The following UGT2A1 variants were observed in gnomAD, a reference collection of about 807,000 sequenced individuals.
UGT2A1 encodes the protein UDP-glucuronosyltransferase 2A1.
In UGT2A1, 61 loss-of-function variants were observed where a neutral mutation model predicts 45.4. The observed-to-expected ratio is 1.34, with a 90% CI of 1.09 to 1.66. The LOEUF is 1.66. Ranked by LOEUF, UGT2A1 falls within the 40% of genes most tolerant of loss-of-function variation. The probability of loss-of-function intolerance (pLI) is 0.00; values close to 1 mark genes in which losing one functional copy is unlikely to be tolerated. For synonymous variants in UGT2A1, 229 were observed against 196.2 expected (o/e 1.17, Z -1.40); for missense variants, 649 against 574.3 (o/e 1.13, Z -1.33).
rs1026709013 is a variant in UGT2A1, at chr4:69,589,608, G to A, written c.1348C>T (p.Gln450Ter). 1 of 1,613,898 alleles carries A rather than the reference G, an allele frequency of 6.2e-7. No homozygotes were observed. The highest frequency in any genetic ancestry group is 8.5e-7 in the Non-Finnish European group (1 of 1,179,840). Reference sequence around the variant, plus strand: ...GCTCGATCCAGGGGCTTTACAGGTTGATCATGGTGAATTCTTGATAACCTC... The same window carrying A: ...GCTCGATCCAGGGGCTTTACAGGTTAATCATGGTGAATTCTTGATAACCTC... ...AMRLSRIHHDQPVKPLDRAVF... is the reference protein window; with the variant it reads ...AMRLSRIHHD The change falls in exon 7 of 7, where the codon CAA becomes TAA. Residue 450 changes from glutamine (Q) to a stop codon, truncating the protein, a stop_gained. Transcript: ENST00000286604. LOFTEE classifies it high-confidence loss of function.
At position 69,595,225 on chromosome 4, in the gene UGT2A1, T is replaced by A; in HGVS notation, c.1021A>T (p.Lys341Ter). The A allele has an allele frequency of 6.2e-7, 1 of 1,613,844 alleles. No homozygotes were observed. The highest frequency in any genetic ancestry group is 1.3e-5 in the African/African-American group (1 of 75,030). ...GTATTGTTTCCTAATGTGGCTGGTT[T>A]CTTTCCTTTGTATCTCCATAAAACC... is the stretch of plus-strand genomic sequence containing the variant. ...PKVLWRYKGK[K>*]PATLGNNTQL... The change falls in exon 5 of 7, where the codon AAA becomes TAA. Residue 341 changes from lysine (K) to a stop codon, truncating the protein, a stop_gained. Transcript: ENST00000286604. LOFTEE classifies it high-confidence loss of function.
chr4:69,600,779 G>A (rs566344454), intron 3 of UGT2A1, among the ~76,000 whole-genome samples: 18 of 150,918 alleles, frequency 1.2e-4, no homozygotes, highest in Admixed American at 4.0e-4. Context: ...AGGAGCAAGA[G>A]AGAGAGTGAG....
intron 3 of UGT2A1, among the ~76,000 whole-genome samples, chr4:69,624,714 C>T (rs1720938290): frequency 1.3e-5 from 2 of 151,228 alleles, no homozygotes; most frequent in African/African-American, 4.8e-5. Flanking sequence ...TCCTGTATCT[C>T]TTCCCAGATT....
chr4:69,646,888 T>C (rs1722283861), intron 2 of UGT2A1, 42 bp downstream of exon 2: 1 of 1,406,756 alleles, frequency 7.1e-7, no homozygotes, highest in South Asian at 1.4e-5. Context: ...CAAAGGTCTG[T>C]TTGTTCAAAT....
At chr4:69,631,214 A>C (rs1177645925) in intron 3 of UGT2A1, among the ~76,000 whole-genome samples, 1 of 152,134 alleles carries the variant, frequency 6.6e-6, no homozygotes, top group African/African-American at 2.4e-5. Context: ...AGATACCTAT[A>C]CTGTTTTAGT....
intron 3 of UGT2A1, among the ~76,000 whole-genome samples, chr4:69,620,474 C>G (rs920341932): frequency 2.7e-5 from 4 of 150,120 alleles, no homozygotes; most frequent in African/African-American, 9.8e-5. Context: ...TCAAAGAAAT[C>G]AGAGATGACA....
Position 69,594,597 on chromosome 4 carries a change from G to A in UGT2A1, c.1184C>T (p.Ala395Val). The A allele has an allele frequency of 1.2e-6, 2 of 1,614,144 alleles. No individual in the cohort carries two copies. Among genetic ancestry groups the A allele is most frequent in the Non-Finnish European group, 1.7e-6 (2 of 1,180,038 alleles). Reference protein sequence around the residue: ...GVPMVGVPMFADQPDNIAHMK... With the variant: ...GVPMVGVPMFVDQPDNIAHMK... ...GTGAGCAATGTTATCAGGCTGATCA[G>A]CAAACATGGGAACTCCCACCATAGG... Residue 395 changes from alanine (A) to valine (V), a missense_variant, in exon 6 of 7, where the codon GCT (alanine) becomes GTT (valine). Ala to Val is a moderately conservative substitution (Grantham distance 64, BLOSUM62 0). Transcript: ENST00000286604.
At chr4:69,607,200 G>GGTACTGGTACCAAAACAGCATT (rs1719683017) in intron 3 of UGT2A1, among the ~76,000 whole-genome samples, 1 of 150,200 alleles carries the variant, frequency 6.7e-6, no homozygotes, top group Non-Finnish European at 1.5e-5. Flanking sequence ...AAAACAGCAT[G>GGTACTGGTACCAAAACAGCATT]GTACTGGTAC....
chr4:69,615,156 C>T (rs1720300210), intron 3 of UGT2A1, among the ~76,000 whole-genome samples: 2 of 151,936 alleles, frequency 1.3e-5, no homozygotes, highest in South Asian at 4.2e-4. Context: ...AGGAGACAAA[C>T]CATATCAATC....
chr4:69,627,456 A>ACAGGCAAGCAGGCAGG (rs1213692869), intron 3 of UGT2A1, among the ~76,000 whole-genome samples: 1 of 150,008 alleles, frequency 6.7e-6, no homozygotes, highest in Non-Finnish European at 1.5e-5. Flanking sequence ...CCATAGGCAG[A>ACAGGCAAGCAGGCAGG]CAGGCAAGCA....
intron 4 of UGT2A1, among the ~76,000 whole-genome samples, chr4:69,598,996 T>C (rs1462971965): frequency 6.6e-6 from 1 of 152,162 alleles, no homozygotes; most frequent in African/African-American, 2.4e-5. Context: ...AAGTCCAGTA[T>C]CAAGGTGTAG....
chr4:69,616,953 C>T (rs1198615392), intron 3 of UGT2A1, among the ~76,000 whole-genome samples: 1 of 147,880 alleles, frequency 6.8e-6, no homozygotes, highest in African/African-American at 2.5e-5. Context: ...GCATAAGTTT[C>T]TGCCCATGCT....
chr4:69,613,841 C>T (rs974342781), intron 3 of UGT2A1, among the ~76,000 whole-genome samples: 1 of 151,816 alleles, frequency 6.6e-6, no homozygotes, highest in African/African-American at 2.4e-5. Context: ...ATTATAAAAG[C>T]CATAAACCGC....
At chr4:69,605,933 A>G (rs1374058993) in intron 3 of UGT2A1, among the ~76,000 whole-genome samples, 1 of 137,124 alleles carries the variant, frequency 7.3e-6, no homozygotes, top group Non-Finnish European at 1.6e-5. Context: ...AATAATTAAT[A>G]GCTTAGCAAC....
At chr4:69,636,767 A>G (rs1323113737) in intron 2 of UGT2A1, among the ~76,000 whole-genome samples, 1 of 152,166 alleles carries the variant, frequency 6.6e-6, no homozygotes, top group Non-Finnish European at 1.5e-5. Context: ...TAATATAAGT[A>G]TAATTCTTTA....
intron 1 of UGT2A1, among the ~76,000 whole-genome samples, chr4:69,650,545 TAATAA>T (rs1010898526): frequency 1.6e-4 from 24 of 151,854 alleles, no homozygotes; most frequent in Admixed American, 5.9e-4. Context: ...GAATATAAAG[TAATAA>T]AATAAAATAA....
intron 6 of UGT2A1, among the ~76,000 whole-genome samples, chr4:69,592,331 G>T (rs766858879): frequency 6.6e-6 from 1 of 152,002 alleles, no homozygotes; most frequent in South Asian, 2.1e-4. Context: ...CAAATTCAGA[G>T]CAAACACCAA....
chr4:69,600,142 G>A (rs1719184741), intron 3 of UGT2A1, among the ~76,000 whole-genome samples: 1 of 152,194 alleles, frequency 6.6e-6, no homozygotes, highest in Non-Finnish European at 1.5e-5. Flanking sequence ...CCCAGAGTGT[G>A]AGTGGGGAGA....
In UGT2A1 at chr4:69,630,660, C is replaced by T. The variant is rs570576238; in HGVS notation, c.847+5031G>A. On this transcript the variant is annotated intron_variant, in intron 3 of 6. Coordinates refer to ENST00000286604, the MANE Select transcript of UGT2A1 (RefSeq NM_001252275.3). The stretch of plus-strand genomic sequence containing the variant: ...GTTAAAATGAGACATGTACTTTCAA[C>T]AAACTGGTCACAAAATAAAAACCAT... Among the ~76,000 whole-genome samples, 17 of 152,176 alleles carry T rather than the reference C, an allele frequency of 1.1e-4. No homozygotes were observed. The South Asian group carries it at 3.1e-3, about 28-fold the overall frequency.
Sources: allele counts gnomAD v4.1 joint callset (sites outside exome capture counted in the v4.1 genomes callset), GRCh38; gene constraint gnomAD v4.1.1; transcripts MANE v1.5; gene names NCBI Gene and HGNC (gene_info 2026-07-23, HGNC 2026-07-21).